The following EPHA7 variants were observed in gnomAD, a reference collection of about 807,000 sequenced individuals.
EPHA7 encodes EPH receptor A7.
EPHA7 carries 25 observed loss-of-function variants against 112.6 expected under a neutral mutation model. The ratio of observed to expected loss-of-function variants is 0.22; its 90% CI spans 0.16 to 0.31. EPHA7 has a LOEUF of 0.31. Among genes scored for constraint, EPHA7 ranks in the 10% least tolerant of loss-of-function variants. EPHA7 has a pLI of 1.00. For synonymous variants in EPHA7, 437 were observed against 406.5 expected (o/e 1.07, Z -0.90); for missense variants, 962 against 1,212.6 (o/e 0.79, Z 3.07).
At position 93,240,737 on chromosome 6, in the gene EPHA7, C is replaced by T. The variant is rs528743058; in HGVS notation, c.*2689G>A. The T allele has an allele frequency of 9.0e-5, 19 of 211,806 alleles. No individual in the cohort carries two copies. The highest frequency in any genetic ancestry group is 4.4e-4 in the African/African-American group (19 of 43,050). The allele number at this position is 211,806 out of a possible 1,614,324, so 13.1% of individuals were successfully genotyped here. On this transcript the variant is annotated 3_prime_UTR_variant, in exon 17 of 17. Coordinates refer to ENST00000369303, the MANE Select transcript of EPHA7 (RefSeq NM_004440.4). ...TTCTCTACTTTTCCTCCCCTGAGCA[C>T]TAATTTATTTAAAAAAAAAGATTTC...
chr6:93,396,661 A>G (rs1425541691), intron 3 of EPHA7, among the ~76,000 whole-genome samples: 3 of 151,894 alleles, frequency 2.0e-5, no homozygotes, highest in Non-Finnish European at 2.9e-5. Flanking sequence ...TTTAGGAAAA[A>G]TGACTATTAT....
intron 5 of EPHA7, among the ~76,000 whole-genome samples, chr6:93,324,426 G>A (rs189879931): frequency 7.9e-5 from 12 of 151,334 alleles, no homozygotes; most frequent in East Asian, 3.9e-4. Context: ...TCTATAAACC[G>A]TTATTAGATT....
intron 8 of EPHA7, 22 bp from the exon 9 acceptor site, chr6:93,263,937 A>G: frequency 6.3e-7 from 1 of 1,597,592 alleles, no homozygotes. Flanking sequence ...CAAATTTGTG[A>G]CAATCTCAGT....
At chr6:93,260,574 T>C (rs1281751005) in intron 9 of EPHA7, 1 of 961,600 alleles carries the variant, frequency 1.0e-6, no homozygotes, top group Non-Finnish European at 1.2e-6. Context: ...TATATTACAC[T>C]GCAGCCTAAC....
At chr6:93,336,867 G>A (rs1187886995) in intron 5 of EPHA7, among the ~76,000 whole-genome samples, 1 of 149,724 alleles carries the variant, frequency 6.7e-6, no homozygotes, top group Admixed American at 6.7e-5. Context: ...AATATAAATT[G>A]GATAGTTTAC....
At chr6:93,286,483 A>T (rs1414858866) in intron 5 of EPHA7, among the ~76,000 whole-genome samples, 4 of 152,134 alleles carry the variant, frequency 2.6e-5, no homozygotes, top group Non-Finnish European at 5.9e-5. Context: ...AAGAAGAAAG[A>T]AGATATTAGG....
At chr6:93,387,949 AGATAGATAGAT>A (rs1777703923) in intron 3 of EPHA7, among the ~76,000 whole-genome samples, 1 of 151,920 alleles carries the variant, frequency 6.6e-6, no homozygotes, top group African/African-American at 2.4e-5. Context: ...ATAGATAGAT[AGATAGATAGAT>A]AGATAGATAG....
chr6:93,359,874 G>GAGATAGATAGATAGAT (rs66894419), intron 3 of EPHA7, among the ~76,000 whole-genome samples: 73 of 127,930 alleles, frequency 5.7e-4, no homozygotes, highest in African/African-American at 1.1e-3. Flanking sequence ...GAGAGAGAGA[G>GAGATAGATAGATAGAT]AGATAGATAG....
chr6:93,315,725 TG>T (rs1479275854), intron 5 of EPHA7, among the ~76,000 whole-genome samples: 2 of 152,222 alleles, frequency 1.3e-5, no homozygotes, highest in Admixed American at 6.5e-5. Flanking sequence ...GATCTTTTCT[TG>T]TTCAACTTTT....
chr6:93,252,336 T>A (rs1391920784), intron 14 of EPHA7, among the ~76,000 whole-genome samples: 1 of 152,004 alleles, frequency 6.6e-6, no homozygotes, highest in Non-Finnish European at 1.5e-5. Flanking sequence ...AACTAAATTT[T>A]AATAATGTAG....
intron 3 of EPHA7, among the ~76,000 whole-genome samples, chr6:93,366,457 A>C (rs1005181011): frequency 6.6e-6 from 1 of 152,224 alleles, no homozygotes; most frequent in African/African-American, 2.4e-5. Context: ...TCTAGCTGCT[A>C]AACTACCTTC....
intron 5 of EPHA7, among the ~76,000 whole-genome samples, chr6:93,309,215 C>T (rs1418818533): frequency 6.6e-6 from 1 of 152,210 alleles, no homozygotes; most frequent in Non-Finnish European, 1.5e-5. Flanking sequence ...TCCCAAAGGG[C>T]TGGGATTGCA....
chr6:93,382,987 A>G (rs911175655), intron 3 of EPHA7, among the ~76,000 whole-genome samples: 1 of 152,028 alleles, frequency 6.6e-6, no homozygotes, highest in African/African-American at 2.4e-5. Flanking sequence ...TGTCCACTGA[A>G]CCCAATCAAC....
chr6:93,312,697 C>T (rs577776898), intron 5 of EPHA7, among the ~76,000 whole-genome samples: 1 of 152,278 alleles, frequency 6.6e-6, no homozygotes, highest in African/African-American at 2.4e-5. Context: ...TGGTATGGTG[C>T]AAGAGGTCTA....
At chr6:93,283,170 A>G (rs1347033892) in intron 5 of EPHA7, among the ~76,000 whole-genome samples, 4 of 152,300 alleles carry the variant, frequency 2.6e-5, no homozygotes, top group South Asian at 2.1e-4. Flanking sequence ...AAATACACCA[A>G]TCAGCACTCT....
At chr6:93,374,509 G>T (rs931114161) in intron 3 of EPHA7, among the ~76,000 whole-genome samples, 2 of 152,138 alleles carry the variant, frequency 1.3e-5, no homozygotes, top group Non-Finnish European at 2.9e-5. Flanking sequence ...TAAGTGTCAT[G>T]CCTTACTAGC....
intron 3 of EPHA7, among the ~76,000 whole-genome samples, chr6:93,385,470 T>A (rs1389289719): frequency 6.6e-6 from 1 of 152,082 alleles, no homozygotes; most frequent in Non-Finnish European, 1.5e-5. Flanking sequence ...TTGGTCCAGA[T>A]TGCATTTTTT....
chr6:93,257,363 T>G, intron 12 of EPHA7, 99 bp downstream of exon 12: 3 of 815,200 alleles, frequency 3.7e-6, no homozygotes, highest in South Asian at 3.4e-5. Flanking sequence ...CTCTTACTAT[T>G]TTACAAGGCT....
chr6:93,405,801 GTGTGTGTGTGTGTATATA>G lies in EPHA7; in HGVS notation c.832+4682_832+4699del, dbSNP rs1240121404. Among the ~76,000 whole-genome samples the G allele has an allele frequency of 5.8e-3, 373 of 64,352 alleles. 2 individuals carry two copies. Among genetic ancestry groups the G allele is most frequent in the African/African-American group, 0.021 (330 of 15,376 alleles). The allele number at this position is 64,352 out of a possible 152,430, so 42.2% of individuals were successfully genotyped here. A position where few individuals can be genotyped will look rare whatever the true frequency, so the allele number is the denominator to read the frequency against. ...TGTATATATGTGTGTGTGTGTGTGTGTGTGTGTGTGTGTATATATATATATATATATATATATATATAT... is the reference window on the plus strand; with the variant it reads ...TGTATATATGTGTGTGTGTGTGTGTGTATATATATATATATATATATATAT... On this transcript the variant is annotated intron_variant, in intron 3 of 16. Coordinates refer to ENST00000369303, the MANE Select transcript of EPHA7 (RefSeq NM_004440.4).
Sources: gnomAD v4.1 joint callset for allele counts (sites outside exome capture counted in the v4.1 genomes callset) on GRCh38, gnomAD v4.1.1 for gene constraint, MANE v1.5 for transcripts, NCBI Gene and HGNC (gene_info 2026-07-23, HGNC 2026-07-21) for gene names.